Variants in SNX29 observed in about 807,000 individuals in gnomAD.
SNX29 encodes the protein sorting nexin-29.
SNX29 carries 78 observed loss-of-function variants against 102.1 expected under a neutral mutation model. The observed-to-expected ratio is 0.76, with a 90% CI of 0.64 to 0.92. The LOEUF (loss-of-function observed/expected upper bound fraction) is 0.92, where lower values mean the gene tolerates loss of function less well. Among genes scored for constraint, SNX29 ranks in the 40% least tolerant of loss-of-function variants. SNX29 has a pLI of 0.00. For missense variants in SNX29, 1,280 were observed against 1,061.7 expected (o/e 1.21, Z -2.86); for synonymous variants, 580 against 414.5 (o/e 1.40, Z -4.85).
chr16:12,552,397 G>A (rs1294374379), intron 20 of SNX29, among the ~76,000 whole-genome samples: 1 of 152,228 alleles, frequency 6.6e-6, no homozygotes, highest in Non-Finnish European at 1.5e-5. Flanking sequence ...ACCTGGCGCA[G>A]AGCAGTGGTG....
intron 18 of SNX29, among the ~76,000 whole-genome samples, chr16:12,446,475 C>G (rs545175191): frequency 5.3e-5 from 8 of 152,316 alleles, no homozygotes; most frequent in African/African-American, 1.2e-4. Flanking sequence ...GTAACTGCCT[C>G]TAATTGAGTG....
chr16:12,199,496 T>C (rs1239004963), intron 13 of SNX29, 105 bp from the exon 14 acceptor site: 2 of 832,454 alleles, frequency 2.4e-6, no homozygotes, highest in African/African-American at 3.5e-5. Context: ...AAGATGCAAA[T>C]TGTGCTTTTC....
chr16:12,069,914 G>A (rs984521823), intron 10 of SNX29, among the ~76,000 whole-genome samples: 3 of 151,212 alleles, frequency 2.0e-5, no homozygotes, highest in East Asian at 4.0e-4. Context: ...TCCTGACCTC[G>A]TGATCCGCCC....
chr16:12,553,162 A>G (rs566037894), intron 20 of SNX29, among the ~76,000 whole-genome samples: 67 of 152,202 alleles, frequency 4.4e-4, no homozygotes, highest in Middle Eastern at 6.8e-3. Flanking sequence ...CCTTCCTGGG[A>G]TTTTTGGATC....
At chr16:12,552,478 T>G (rs891897338) in intron 20 of SNX29, among the ~76,000 whole-genome samples, 4 of 152,146 alleles carry the variant, frequency 2.6e-5, no homozygotes, top group Non-Finnish European at 5.9e-5. Flanking sequence ...CACCCAACGA[T>G]TGGGCCTCAG....
rs567993234 is a variant in SNX29 at position 12,320,909 on chromosome 16, G to A, written c.1783-35254G>A. 3.9e-5 allele frequency among the ~76,000 whole-genome samples: 6 copies of A among 152,266 alleles called. No individual in the cohort carries two copies. In the East Asian group the frequency reaches 7.7e-4, roughly 20 times the overall value. On this transcript the variant is annotated intron_variant, in intron 15 of 20. Transcript: ENST00000566228. ...ACATTTGGGTGCTTAAAAGGATGGC[G>A]GCAGTGTTTAAATGTTGATAAACAA...
At chr16:12,351,380 G>A (rs1342074767) in intron 15 of SNX29, among the ~76,000 whole-genome samples, 2 of 146,382 alleles carry the variant, frequency 1.4e-5, no homozygotes, top group East Asian at 2.0e-4. Flanking sequence ...AGATTCTAAG[G>A]CATCGAAGTG....
At chr16:12,533,625 C>A (rs897469620) in intron 20 of SNX29, among the ~76,000 whole-genome samples, 3 of 152,182 alleles carry the variant, frequency 2.0e-5, no homozygotes, top group Admixed American at 1.3e-4. Flanking sequence ...TGGACTGACA[C>A]CCCAAATTGG....
In SNX29 at chr16:12,315,364, T is replaced by C. The variant is rs141171171; in HGVS notation, c.1782+37328T>C. Among the ~76,000 whole-genome samples, 182 of 152,312 alleles carry C rather than the reference T, an allele frequency of 1.2e-3. 1 individual carries two copies. Among genetic ancestry groups the C allele is most frequent in the Non-Finnish European group, 2.1e-3 (142 of 68,020 alleles). On this transcript the variant is annotated intron_variant, in intron 15 of 20. Coordinates refer to ENST00000566228, the MANE Select transcript of SNX29 (RefSeq NM_032167.5). Reference sequence around the variant, plus strand: ...CACCTTGTGGATCTAACGCCTCTGCTTCCAGCCCTCAACTTGGCTGTCATT... The same window carrying C: ...CACCTTGTGGATCTAACGCCTCTGCCTCCAGCCCTCAACTTGGCTGTCATT...
intron 15 of SNX29, among the ~76,000 whole-genome samples, chr16:12,296,348 A>G (rs2079981070): frequency 6.6e-6 from 1 of 152,220 alleles, no homozygotes; most frequent in Non-Finnish European, 1.5e-5. Context: ...TGCACCTGTA[A>G]GTTTGTGCCC....
In SNX29 at chr16:12,433,185, G is replaced by A. The variant is rs556117643; in HGVS notation, c.2037+29656G>A. Among the ~76,000 whole-genome samples the A allele has an allele frequency of 2.0e-5, 3 of 152,304 alleles. No homozygotes were observed. The East Asian group carries it at 5.8e-4, about 29-fold the overall frequency. On this transcript the variant is annotated intron_variant, in intron 18 of 20. Coordinates refer to ENST00000566228, the MANE Select transcript of SNX29 (RefSeq NM_032167.5). ...ATTACATTTGTCTACATCTTGGTTA[G>A]CCACAGTTCTGGGCAGCTTTTGTCA...
intron 20 of SNX29, among the ~76,000 whole-genome samples, chr16:12,562,023 C>G (rs1005293194): frequency 2.6e-5 from 4 of 152,170 alleles, no homozygotes; most frequent in East Asian, 1.9e-4. Context: ...GGCCTGGCCC[C>G]TCATGGATTT....
intron 20 of SNX29, among the ~76,000 whole-genome samples, chr16:12,543,952 C>T (rs1218485589): frequency 6.6e-6 from 1 of 152,164 alleles, no homozygotes; most frequent in African/African-American, 2.4e-5. Context: ...AGCGAGGAGC[C>T]TATCTGCTGG....
intron 15 of SNX29, among the ~76,000 whole-genome samples, chr16:12,312,503 T>G (rs1596862696): frequency 6.6e-6 from 1 of 152,108 alleles, no homozygotes; most frequent in Non-Finnish European, 1.5e-5. Flanking sequence ...GAAAATGAAG[T>G]GTCCCATTGA....
At chr16:12,550,449 CACTT>C (rs1267975747) in intron 20 of SNX29, among the ~76,000 whole-genome samples, 1 of 150,728 alleles carries the variant, frequency 6.6e-6, no homozygotes, top group Non-Finnish European at 1.5e-5. Flanking sequence ...GCAGGAGAAT[CACTT>C]AAACCCGGGA....
intron 20 of SNX29, among the ~76,000 whole-genome samples, chr16:12,542,098 T>A (rs964986887): frequency 2.0e-5 from 3 of 152,090 alleles, no homozygotes; most frequent in African/African-American, 7.2e-5. Flanking sequence ...TATTGTCTCT[T>A]CCCAACGGAT....
chr16:12,036,775 G>C (rs1016889262), intron 4 of SNX29, among the ~76,000 whole-genome samples: 1 of 152,078 alleles, frequency 6.6e-6, no homozygotes, highest in East Asian at 1.9e-4. Flanking sequence ...GTGTGTTCTT[G>C]GTCTTCTATA....
At chr16:12,058,682 C>G (rs540288893) in intron 8 of SNX29, among the ~76,000 whole-genome samples, 1 of 150,622 alleles carries the variant, frequency 6.6e-6, no homozygotes, top group Non-Finnish European at 1.5e-5. Context: ...TTAGTAGAGA[C>G]GGGGTTTCAC....
intron 16 of SNX29, chr16:12,373,043 C>T (rs562854654): frequency 6.6e-6 from 1 of 152,348 alleles, no homozygotes; most frequent in South Asian, 2.1e-4. Flanking sequence ...GCAATATCCC[C>T]AAGTCTCCAT....
Sources: allele counts gnomAD v4.1 joint callset (sites outside exome capture counted in the v4.1 genomes callset), GRCh38; gene constraint gnomAD v4.1.1; transcripts MANE v1.5; gene names NCBI Gene and HGNC (gene_info 2026-07-23, HGNC 2026-07-21).